The following SH3GL3 variants were observed in gnomAD, a reference collection of about 807,000 sequenced individuals.
SH3GL3 encodes the protein SH3 domain containing GRB2 like 3, endophilin A3.
A neutral mutation model predicts 47.7 loss-of-function variants in SH3GL3; 33 were observed. The observed-to-expected ratio is 0.69, with a 90% CI of 0.52 to 0.92. The LOEUF is 0.92. Among genes scored for constraint, SH3GL3 ranks in the 40% least tolerant of loss-of-function variants. SH3GL3 has a pLI of 0.00. For synonymous variants in SH3GL3, 155 were observed against 148.8 expected (o/e 1.04, Z -0.30); for missense variants, 363 against 417.8 (o/e 0.87, Z 1.14).
At chr15:83,554,290 C>T (rs1215333625) in intron 1 of SH3GL3, among the ~76,000 whole-genome samples, 4 of 152,212 alleles carry the variant, frequency 2.6e-5, no homozygotes, top group East Asian at 1.9e-4. Flanking sequence ...CGGGTTCAAG[C>T]GATTCTCCTG....
chr15:83,531,210 G>A (rs756658173), intron 1 of SH3GL3, among the ~76,000 whole-genome samples: 8 of 152,184 alleles, frequency 5.3e-5, no homozygotes, highest in East Asian at 1.9e-4. Context: ...GAGTAAGACC[G>A]TAATGAATAT....
At chr15:83,526,571 A>C (rs796979803) in intron 1 of SH3GL3, among the ~76,000 whole-genome samples, 4 of 152,242 alleles carry the variant, frequency 2.6e-5, no homozygotes, top group African/African-American at 7.2e-5. Flanking sequence ...GGAACAAAAA[A>C]CCAAAAACTG....
chr15:83,600,111 G>C (rs1465821074), intron 8 of SH3GL3, among the ~76,000 whole-genome samples: 1 of 152,148 alleles, frequency 6.6e-6, no homozygotes, highest in Non-Finnish European at 1.5e-5. Flanking sequence ...CAGATGTATA[G>C]ATTGTGAAGA....
chr15:83,613,510 G>A (rs977280375), intron 8 of SH3GL3, among the ~76,000 whole-genome samples: 8 of 152,302 alleles, frequency 5.3e-5, no homozygotes, highest in African/African-American at 1.7e-4. Context: ...GGAGGTGGTG[G>A]CCTGGTTTAC....
At position 83,586,989 on chromosome 15, in the gene SH3GL3, C is replaced by G. The variant is rs2059971559; in HGVS notation, c.631C>G (p.Gln211Glu). Residue 211 changes from glutamine (Q) to glutamate (E), a missense_variant, in exon 7 of 9, where the codon CAA (glutamine) becomes GAA (glutamate). Gln to Glu is a conservative substitution (Grantham distance 29). Transcript: ENST00000427482. ...MFNFLENDVE[Q>E]VSQLAVFIEA... ...TTTTGCACTTCTGCTGCAGGTAGAA[C>G]AAGTCAGCCAGTTGGCTGTGTTCAT... 2.5e-6 allele frequency: 4 copies of G among 1,597,838 alleles called. No individual in the cohort carries two copies. The Admixed American group carries it at 5.1e-5, about 20-fold the overall frequency.
chr15:83,571,240 A>T (rs2045801128), intron 4 of SH3GL3, among the ~76,000 whole-genome samples: 2 of 152,176 alleles, frequency 1.3e-5, no homozygotes, highest in Non-Finnish European at 2.9e-5. Flanking sequence ...CCATGTTCAG[A>T]GCATCATCTT....
chr15:83,564,380 ATAGT>A (rs2045435583), intron 2 of SH3GL3, among the ~76,000 whole-genome samples: 5 of 152,186 alleles, frequency 3.3e-5, no homozygotes, highest in Admixed American at 3.3e-4. Context: ...ATTTCTCATA[ATAGT>A]TATTCTTCAT....
At chr15:83,550,582 G>T (rs1701722573) in intron 1 of SH3GL3, among the ~76,000 whole-genome samples, 1 of 152,048 alleles carries the variant, frequency 6.6e-6, no homozygotes, top group Admixed American at 6.5e-5. Flanking sequence ...TAGAGATGGG[G>T]TTTCACCATG....
intron 8 of SH3GL3, among the ~76,000 whole-genome samples, chr15:83,601,566 A>C (rs2060379803): frequency 6.6e-6 from 1 of 152,194 alleles, no homozygotes; most frequent in African/African-American, 2.4e-5. Context: ...GTGGTGGATT[A>C]TCTTTTTGAT....
intron 8 of SH3GL3, among the ~76,000 whole-genome samples, chr15:83,591,090 C>T (rs938481770): frequency 2.0e-5 from 3 of 152,168 alleles, no homozygotes; most frequent in African/African-American, 7.2e-5. Context: ...TCACTGCAAC[C>T]TCCGCCTCCC....
In SH3GL3 at chr15:83,586,990, AAGT is replaced by A; in HGVS notation, c.633_635del (p.Gln211_Val212delinsHis). The A allele has an allele frequency of 6.2e-7, 1 of 1,600,232 alleles. No homozygotes were observed. The highest frequency in any genetic ancestry group is 8.5e-7 in the Non-Finnish European group (1 of 1,171,720). On this transcript the variant is annotated inframe_deletion, in exon 7 of 9. Coordinates refer to ENST00000427482, the MANE Select transcript of SH3GL3 (RefSeq NM_003027.5). ...TTTGCACTTCTGCTGCAGGTAGAAC[AAGT>A]CAGCCAGTTGGCTGTGTTCATAGAG...
chr15:83,503,878 G>A (rs1407144657), intron 1 of SH3GL3, among the ~76,000 whole-genome samples: 17 of 152,166 alleles, frequency 1.1e-4, no homozygotes, highest in Admixed American at 1.1e-3. Flanking sequence ...GTAAGAAAAG[G>A]CGCATTTCCC....
intron 8 of SH3GL3, among the ~76,000 whole-genome samples, chr15:83,614,224 G>T (rs1482301533): frequency 6.6e-6 from 1 of 152,044 alleles, no homozygotes; most frequent in Non-Finnish European, 1.5e-5. Context: ...ATTGAATGTT[G>T]TTCTGTTCAA....
chr15:83,520,236 T>C (rs2043150463), intron 1 of SH3GL3, among the ~76,000 whole-genome samples: 1 of 152,202 alleles, frequency 6.6e-6, no homozygotes, highest in Non-Finnish European at 1.5e-5. Flanking sequence ...CTTTATATAC[T>C]GGACAGTAAA....
intron 1 of SH3GL3, among the ~76,000 whole-genome samples, chr15:83,515,662 C>T (rs921245086): frequency 1.3e-5 from 2 of 152,128 alleles, no homozygotes; most frequent in Admixed American, 1.3e-4. Flanking sequence ...CTACTTAAAT[C>T]TGTATAAACA....
At chr15:83,519,362 T>C (rs1052632070) in intron 1 of SH3GL3, among the ~76,000 whole-genome samples, 1 of 152,246 alleles carries the variant, frequency 6.6e-6, no homozygotes, top group Non-Finnish European at 1.5e-5. Flanking sequence ...CGTTTTGTAC[T>C]TCTCCTCGTA....
At chr15:83,541,166 A>G (rs936714164) in intron 1 of SH3GL3, among the ~76,000 whole-genome samples, 12 of 151,958 alleles carry the variant, frequency 7.9e-5, no homozygotes, top group Non-Finnish European at 1.8e-4. Context: ...CCATCCATTC[A>G]TCTGTTGATG....
rs184491905 is a variant in SH3GL3 at position 83,613,665 on chromosome 15, A to G, written c.839-4417A>G. Among the ~76,000 whole-genome samples, 36 of 149,236 alleles carry G rather than the reference A, an allele frequency of 2.4e-4. No homozygotes were observed. The East Asian group carries it at 5.9e-3, about 24-fold the overall frequency. ...TATCTATCTATCTATCTATCTATCTATCTATCTATCATTAGCCCTGTAATC... is the reference window on the plus strand; with the variant it reads ...TATCTATCTATCTATCTATCTATCTGTCTATCTATCATTAGCCCTGTAATC... On this transcript the variant is annotated intron_variant, in intron 8 of 8. Transcript: ENST00000427482.
intron 6 of SH3GL3, among the ~76,000 whole-genome samples, chr15:83,577,495 G>T (rs995666743): frequency 3.3e-5 from 5 of 152,066 alleles, no homozygotes; most frequent in African/African-American, 1.2e-4. Context: ...CGACCTCCCA[G>T]GCTCAAGCGA....
Sources: gnomAD v4.1 joint callset for allele counts (sites outside exome capture counted in the v4.1 genomes callset) on GRCh38, gnomAD v4.1.1 for gene constraint, MANE v1.5 for transcripts, NCBI Gene and HGNC (gene_info 2026-07-23, HGNC 2026-07-21) for gene names.